PCDHA2: variants seen among roughly 807,000 people sequenced by gnomAD.
PCDHA2 encodes the protein protocadherin alpha-2.
Under a neutral mutation model 66.0 loss-of-function variants are expected in PCDHA2, and 58 were observed. The observed-to-expected ratio is 0.88, with a 90% CI of 0.71 to 1.09. The LOEUF is 1.09. Ranked by LOEUF, PCDHA2 falls within the 50% of genes least tolerant of loss-of-function variation. PCDHA2 has a pLI of 0.00. For missense variants in PCDHA2, 1,267 were observed against 1,242.3 expected, an observed-to-expected ratio of 1.02 and a Z score of -0.30; for synonymous variants, 634 against 554.0, an observed-to-expected ratio of 1.14 and a Z score of -2.03.
intron 1 of PCDHA2, among the ~76,000 whole-genome samples, chr5:140,924,131 T>C (rs2081690578): frequency 6.6e-6 from 1 of 152,234 alleles, no homozygotes; most frequent in African/African-American, 2.4e-5. Flanking sequence ...CTTAGCAGCA[T>C]TAATTTAAAA....
chr5:140,943,719 T>C (rs1198620937), intron 1 of PCDHA2, among the ~76,000 whole-genome samples: 2 of 152,126 alleles, frequency 1.3e-5, no homozygotes, highest in Non-Finnish European at 2.9e-5. Context: ...TTTAAAGGTC[T>C]GAGAGAATGA....
chr5:140,850,804 T>C lies in PCDHA2; in HGVS notation c.2388+53452T>C, dbSNP rs2150498986. ...GAGGGTAAGCAGAAGACCGACCTCA[T>C]GGCCTTCAGCCCGGGCCTTTCTCCT... On this transcript the variant is annotated intron_variant, in intron 1 of 3. Transcript: ENST00000526136. The C allele has an allele frequency of 3.1e-6, 5 of 1,598,410 alleles. No homozygotes were observed. The East Asian group carries it at 1.1e-4, about 36-fold the overall frequency.
intron 1 of PCDHA2, among the ~76,000 whole-genome samples, chr5:140,798,771 C>A (rs947635529): frequency 6.6e-6 from 1 of 152,128 alleles, no homozygotes; most frequent in African/African-American, 2.4e-5. Context: ...CTGAACTCGA[C>A]AAGTAAATGT....
intron 3 of PCDHA2, among the ~76,000 whole-genome samples, chr5:141,002,329 A>C (rs2098072323): frequency 6.6e-6 from 1 of 152,226 alleles, no homozygotes; most frequent in Non-Finnish European, 1.5e-5. Context: ...GCCGGGCTGC[A>C]TCCGCACCCC....
chr5:140,872,909 G>A (rs1214412416), intron 1 of PCDHA2, among the ~76,000 whole-genome samples: 7 of 152,076 alleles, frequency 4.6e-5, no homozygotes, highest in African/African-American at 1.7e-4. Flanking sequence ...GCTCTATCTT[G>A]TAATGCCTTA....
chr5:140,888,513 A>C (rs1208227299), intron 1 of PCDHA2, among the ~76,000 whole-genome samples: 5 of 152,216 alleles, frequency 3.3e-5, no homozygotes, highest in African/African-American at 4.8e-5. Context: ...TCTTGGACTT[A>C]GTTCTGACGT....
intron 1 of PCDHA2, chr5:140,848,937 C>G: frequency 1.2e-6 from 2 of 1,607,518 alleles, no homozygotes; most frequent in Non-Finnish European, 1.7e-6. Context: ...ATCCAGGCCG[C>G]TTGACTCTCG....
intron 1 of PCDHA2, among the ~76,000 whole-genome samples, chr5:140,945,463 A>G (rs1554216960): frequency 6.6e-6 from 1 of 152,166 alleles, no homozygotes; most frequent in African/African-American, 2.4e-5. Flanking sequence ...TAAAATTTGC[A>G]TGGAACCACA....
At chr5:140,887,333 T>A (rs1214047567) in intron 1 of PCDHA2, among the ~76,000 whole-genome samples, 1 of 152,174 alleles carries the variant, frequency 6.6e-6, no homozygotes, top group African/African-American at 2.4e-5. Context: ...CCTGACCTCG[T>A]GATCCACCTG....
chr5:140,974,709 C>T (rs1385583490), intron 1 of PCDHA2, among the ~76,000 whole-genome samples: 1 of 152,092 alleles, frequency 6.6e-6, no homozygotes, highest in Non-Finnish European at 1.5e-5. Flanking sequence ...CCATGTTGTT[C>T]AAGCTGCTCT....
rs2096146085 is a variant in PCDHA2 at position 140,967,476 on chromosome 5, G to T, written c.2389-11473G>T. ...GCCGTGGATGGGGGCATCCCAGCCC[G>T]CTCGGGTACGGCACAGATCTCTGTG... On this transcript the variant is annotated intron_variant, in intron 1 of 3. Transcript: ENST00000526136. The T allele has an allele frequency of 6.2e-7, 1 of 1,613,324 alleles. No individual in the cohort carries two copies. The highest frequency in any genetic ancestry group is 1.3e-5 in the African/African-American group (1 of 75,056).
intron 1 of PCDHA2, among the ~76,000 whole-genome samples, chr5:140,798,325 G>A (rs1762316768): frequency 6.6e-6 from 1 of 152,128 alleles, no homozygotes; most frequent in South Asian, 2.1e-4. Flanking sequence ...CCATTATTTG[G>A]TATAAAGATT....
chr5:140,863,301 C>T lies in PCDHA2; in HGVS notation c.2388+65949C>T, dbSNP rs782465834. ...ATGTCAACGTGTACCTGATCATCGC[C>T]ATCTGCGTGGTGTCCAGCCTGTTAG... On this transcript the variant is annotated intron_variant, in intron 1 of 3. Coordinates refer to ENST00000526136, the MANE Select transcript of PCDHA2 (RefSeq NM_018905.3). The T allele has an allele frequency of 2.7e-6, 4 of 1,463,618 alleles. No homozygotes were observed. In the South Asian group the frequency reaches 4.5e-5, roughly 16 times the overall value. 90.7% of individuals were successfully genotyped at this position (1,463,618 alleles called of 1,614,324 possible).
intron 1 of PCDHA2, chr5:140,807,395 G>A (rs3822354): frequency 0.38 from 377,068 of 984,498 alleles, 146,379 homozygotes; most frequent in South Asian, 0.45. Context: ...GGCGTCCAAG[G>A]GCCGCGGAGG....
At chr5:140,801,627 G>T in intron 1 of PCDHA2, 2 of 1,614,136 alleles carry the variant, frequency 1.2e-6, no homozygotes, top group Non-Finnish European at 1.7e-6. Flanking sequence ...GTTTATTTCC[G>T]AATCCCGACA....
At chr5:140,862,748 C>T in intron 1 of PCDHA2, 1 of 577,560 alleles carries the variant, frequency 1.7e-6, no homozygotes, top group Non-Finnish European at 3.3e-6. Flanking sequence ...TGGGTGCACG[C>T]GGAGAGCGGC....
At chr5:140,921,961 C>T (rs528457864) in intron 1 of PCDHA2, among the ~76,000 whole-genome samples, 88 of 151,252 alleles carry the variant, frequency 5.8e-4, no homozygotes, top group Non-Finnish European at 9.1e-4. Context: ...TCCCAGAAAA[C>T]CAAAGGAAAA....
chr5:140,949,809 G>A (rs782774481), intron 1 of PCDHA2, among the ~76,000 whole-genome samples: 1 of 151,712 alleles, frequency 6.6e-6, no homozygotes. Flanking sequence ...TACATTATTT[G>A]CTTTCTATTT....
chr5:140,928,731 C>T, intron 1 of PCDHA2: 2 of 1,614,164 alleles, frequency 1.2e-6, no homozygotes, highest in Non-Finnish European at 1.7e-6. Context: ...GAATTTCAGC[C>T]AATATAGGTG....
Sources: gnomAD v4.1 joint callset for allele counts (sites outside exome capture counted in the v4.1 genomes callset) on GRCh38, gnomAD v4.1.1 for gene constraint, MANE v1.5 for transcripts, NCBI Gene and HGNC (gene_info 2026-07-23, HGNC 2026-07-21) for gene names.